The following BTRC variants were observed in gnomAD, a reference collection of about 807,000 sequenced individuals.
BTRC encodes the protein F-box/WD repeat-containing protein 1A.
A neutral mutation model predicts 85.5 loss-of-function variants in BTRC; 42 were observed. The ratio of observed to expected loss-of-function variants is 0.49; its 90% CI spans 0.38 to 0.64. BTRC has a LOEUF of 0.64. Among genes scored for constraint, BTRC ranks in the 30% least tolerant of loss-of-function variants. BTRC has a pLI of 0.00. For synonymous variants in BTRC, 255 were observed against 263.3 expected (o/e 0.97, Z 0.30); for missense variants, 594 against 743.5 (o/e 0.80, Z 2.34).
chr10:101,458,454 C>T (rs932679018), intron 2 of BTRC, among the ~76,000 whole-genome samples: 1 of 152,068 alleles, frequency 6.6e-6, no homozygotes, highest in African/African-American at 2.4e-5. Context: ...TTTGTCAAAA[C>T]TTACAGAGCT....
At chr10:101,374,721 A>G (rs1451109328) in intron 1 of BTRC, among the ~76,000 whole-genome samples, 2 of 151,326 alleles carry the variant, frequency 1.3e-5, no homozygotes, top group African/African-American at 2.4e-5. Flanking sequence ...AGCATGGCAC[A>G]TGTATACATA....
At chr10:101,414,850 C>A (rs368106208) in intron 1 of BTRC, among the ~76,000 whole-genome samples, 2 of 151,342 alleles carry the variant, frequency 1.3e-5, no homozygotes, top group African/African-American at 4.8e-5. Flanking sequence ...TTTTGTACTG[C>A]TGTACAATAT....
intron 1 of BTRC, among the ~76,000 whole-genome samples, chr10:101,375,772 A>G (rs1406281567): frequency 6.6e-6 from 1 of 152,238 alleles, no homozygotes; most frequent in Non-Finnish European, 1.5e-5. Context: ...AAAATGTAGT[A>G]CAGATTCTTA....
At chr10:101,374,618 T>G (rs1222105150) in intron 1 of BTRC, among the ~76,000 whole-genome samples, 2 of 116,860 alleles carry the variant, frequency 1.7e-5, no homozygotes, top group East Asian at 5.5e-4. Context: ...AATATCACAC[T>G]CTGGGGACTG....
At chr10:101,368,813 G>A (rs1403889855) in intron 1 of BTRC, among the ~76,000 whole-genome samples, 1 of 152,074 alleles carries the variant, frequency 6.6e-6, no homozygotes. Flanking sequence ...GAGGCCAGGA[G>A]TTCGAGTCTA....
At chr10:101,395,715 C>T (rs1252227454) in intron 1 of BTRC, among the ~76,000 whole-genome samples, 1 of 151,964 alleles carries the variant, frequency 6.6e-6, no homozygotes, top group East Asian at 1.9e-4. Context: ...TTGCATACTA[C>T]AAAATTTATT....
chr10:101,357,440 C>CA (rs11294551), intron 1 of BTRC, among the ~76,000 whole-genome samples: 13,293 of 85,584 alleles, frequency 0.16, 1,540 homozygotes, highest in Middle Eastern at 0.24. Flanking sequence ...GACTCTGTCT[C>CA]AAAAAAAAAA....
chr10:101,523,030 C>A (rs1268982657), intron 5 of BTRC, among the ~76,000 whole-genome samples: 1 of 151,998 alleles, frequency 6.6e-6, no homozygotes, highest in Non-Finnish European at 1.5e-5. Context: ...ATAGTGAAAC[C>A]CTGTCTCTAC....
intron 6 of BTRC, among the ~76,000 whole-genome samples, chr10:101,528,756 C>G (rs2134398866): frequency 6.6e-6 from 1 of 152,156 alleles, no homozygotes; most frequent in African/African-American, 2.4e-5. Context: ...GTTGTCTTAC[C>G]AAGCCTAATA....
At chr10:101,476,506 T>C (rs888430665) in intron 3 of BTRC, among the ~76,000 whole-genome samples, 1 of 152,204 alleles carries the variant, frequency 6.6e-6, no homozygotes, top group Admixed American at 6.5e-5. Flanking sequence ...ATGTCTTGAT[T>C]TGTTGCCCAG....
intron 3 of BTRC, among the ~76,000 whole-genome samples, chr10:101,472,274 C>CTTTT (rs1564793128): frequency 2.8e-5 from 4 of 144,698 alleles, no homozygotes; most frequent in African/African-American, 5.3e-5. Flanking sequence ...CTTTTCTTTT[C>CTTTT]CTCTCTTCTC....
chr10:101,523,100 A>G (rs572271856), intron 5 of BTRC, among the ~76,000 whole-genome samples: 3 of 152,226 alleles, frequency 2.0e-5, no homozygotes, highest in Non-Finnish European at 4.4e-5. Context: ...GCTACTTGGG[A>G]GACTGGGGCA....
At chr10:101,388,069 AT>A (rs1454284678) in intron 1 of BTRC, among the ~76,000 whole-genome samples, 1 of 152,182 alleles carries the variant, frequency 6.6e-6, no homozygotes, top group African/African-American at 2.4e-5. Context: ...ACCTATTGGG[AT>A]TCAGGTTAGT....
At chr10:101,545,367 CAT>C (rs1158395438) in intron 13 of BTRC, among the ~76,000 whole-genome samples, 2 of 152,154 alleles carry the variant, frequency 1.3e-5, no homozygotes, top group African/African-American at 4.8e-5. Flanking sequence ...TATAAAGACA[CAT>C]ACACCTTAAA....
rs568755450 is a variant in BTRC, at chr10:101,362,876, C to T, written c.48+8648C>T. Among the ~76,000 whole-genome samples, 16 of 152,206 alleles carry T rather than the reference C, an allele frequency of 1.1e-4. No homozygotes were observed. In the South Asian group the frequency reaches 2.7e-3, roughly 26 times the overall value. ...ATAAAAGTGGGAATTAAAAACAATA[C>T]GTATAACAACTACTTACATAACATT... On this transcript the variant is annotated intron_variant, in intron 1 of 14. Coordinates refer to ENST00000370187, the MANE Select transcript of BTRC (RefSeq NM_033637.4).
At chr10:101,475,544 C>A (rs1945655091) in intron 3 of BTRC, among the ~76,000 whole-genome samples, 1 of 151,852 alleles carries the variant, frequency 6.6e-6, no homozygotes, top group Non-Finnish European at 1.5e-5. Flanking sequence ...CGTCTCAAAA[C>A]AAAAACAAAA....
chr10:101,487,538 G>A (rs768383020), intron 4 of BTRC, among the ~76,000 whole-genome samples: 32 of 152,280 alleles, frequency 2.1e-4, no homozygotes, highest in Middle Eastern at 3.4e-3. Context: ...AGCTGTGTGC[G>A]TTATTTTCTC....
Position 101,534,812 on chromosome 10 carries a change from A to C in BTRC, c.1249A>C (p.Thr417Pro). The change falls in exon 10 of 15, where the codon ACC (threonine) becomes CCC (proline). Residue 417 changes from threonine to proline, a missense_variant. Coordinates refer to ENST00000370187, the MANE Select transcript of BTRC (RefSeq NM_033637.4). ...VWDMASPTDI[T>P]LRRVLVGHRA... The stretch of plus-strand genomic sequence containing the variant: ...GGATATGGCCTCCCCAACTGACATT[A>C]CCCTCCGGAGGGTGCTGGTCGGACA... 6.2e-7 allele frequency: 1 copy of C among 1,614,034 alleles called. No individual in the cohort carries two copies. Among genetic ancestry groups the C allele is most frequent in the African/African-American group, 1.3e-5 (1 of 74,976 alleles).
At chr10:101,495,762 A>G (rs1332272389) in intron 4 of BTRC, among the ~76,000 whole-genome samples, 2 of 152,130 alleles carry the variant, frequency 1.3e-5, no homozygotes, top group African/African-American at 4.8e-5. Context: ...ATCATAGTGA[A>G]TTTTCACGAA....
Sources: allele counts gnomAD v4.1 joint callset (sites outside exome capture counted in the v4.1 genomes callset), GRCh38; gene constraint gnomAD v4.1.1; transcripts MANE v1.5; gene names NCBI Gene and HGNC (gene_info 2026-07-23, HGNC 2026-07-21).